The following ZNRF2 variants were observed in gnomAD, a reference collection of about 807,000 sequenced individuals.
The protein encoded by ZNRF2 is zinc and ring finger 2.
A neutral mutation model predicts 20.4 loss-of-function variants in ZNRF2; 16 were observed. The ratio of observed to expected loss-of-function variants is 0.79; its 90% confidence interval spans 0.53 to 1.19. The LOEUF (loss-of-function observed/expected upper bound fraction) is 1.19. Ranked by LOEUF, ZNRF2 falls within the 50% of genes most tolerant of loss-of-function variation. The probability of loss-of-function intolerance (pLI) is 0.00; values close to 1 mark genes in which losing one functional copy is unlikely to be tolerated. For missense variants in ZNRF2, 363 were observed against 332.4 expected, an observed-to-expected ratio of 1.09 and a Z score of -0.72; for synonymous variants, 178 against 144.9, an observed-to-expected ratio of 1.23 and a Z score of -1.64.
intron 1 of ZNRF2, among the ~76,000 whole-genome samples, chr7:30,315,524 G>C (rs553671229): frequency 3.4e-4 from 51 of 152,228 alleles, no homozygotes; most frequent in African/African-American, 1.2e-3. Flanking sequence ...AAGGAGATTA[G>C]AGTGGATGTT....
At chr7:30,304,738 A>G (rs1028893268) in intron 1 of ZNRF2, among the ~76,000 whole-genome samples, 3 of 152,142 alleles carry the variant, frequency 2.0e-5, no homozygotes, top group African/African-American at 7.2e-5. Flanking sequence ...ACTTAGGGTA[A>G]ATCATTGAGA....
chr7:30,309,099 C>T (rs1206850402), intron 1 of ZNRF2, among the ~76,000 whole-genome samples: 1 of 152,024 alleles, frequency 6.6e-6, no homozygotes, highest in Non-Finnish European at 1.5e-5. Flanking sequence ...ATGACATTGT[C>T]TTTATTACTG....
At chr7:30,343,665 AGTTT>A (rs1799832649) in intron 2 of ZNRF2, among the ~76,000 whole-genome samples, 3 of 150,882 alleles carry the variant, frequency 2.0e-5, no homozygotes, top group Admixed American at 2.0e-4. Flanking sequence ...TCTTTCTTTT[AGTTT>A]GTATTTGCCT....
intron 1 of ZNRF2, among the ~76,000 whole-genome samples, chr7:30,305,650 G>A (rs1247286382): frequency 6.6e-6 from 1 of 152,082 alleles, no homozygotes; most frequent in Non-Finnish European, 1.5e-5. Context: ...GTTTTTGTGT[G>A]TATGATTTAA....
chr7:30,320,314 AAGAT>A (rs1450916328), intron 1 of ZNRF2, among the ~76,000 whole-genome samples: 1 of 152,160 alleles, frequency 6.6e-6, no homozygotes, highest in Non-Finnish European at 1.5e-5. Context: ...GGTATATAGA[AAGAT>A]AACTATACAG....
chr7:30,324,664 TCTC>T (rs1388177463), intron 2 of ZNRF2, among the ~76,000 whole-genome samples: 7 of 152,182 alleles, frequency 4.6e-5, no homozygotes, highest in East Asian at 3.8e-4. Context: ...CTCTTCCACT[TCTC>T]CTACTGTACA....
chr7:30,353,946 C>T (rs1050187851), intron 2 of ZNRF2, among the ~76,000 whole-genome samples: 10 of 151,984 alleles, frequency 6.6e-5, no homozygotes, highest in Admixed American at 6.6e-4. Flanking sequence ...AATTATAGAC[C>T]TTTACCAGGT....
At chr7:30,317,407 T>A (rs1799393078) in intron 1 of ZNRF2, among the ~76,000 whole-genome samples, 1 of 152,182 alleles carries the variant, frequency 6.6e-6, no homozygotes, top group African/African-American at 2.4e-5. Context: ...TGCTTTTGAG[T>A]TCTCTAAAAG....
At chr7:30,358,615 TGAA>T (rs1005204761) in intron 3 of ZNRF2, among the ~76,000 whole-genome samples, 3 of 152,214 alleles carry the variant, frequency 2.0e-5, no homozygotes, top group Admixed American at 2.0e-4. Context: ...AAGACACTCA[TGAA>T]GAAGAACACC....
chr7:30,337,825 T>TATGCAAAGAG (rs1272908654), intron 2 of ZNRF2, among the ~76,000 whole-genome samples: 1 of 152,130 alleles, frequency 6.6e-6, no homozygotes, highest in East Asian at 1.9e-4. Context: ...GCATGGTTCC[T>TATGCAAAGAG]ATGCAAAGAG....
At chr7:30,339,360 G>A (rs1396760776) in intron 2 of ZNRF2, among the ~76,000 whole-genome samples, 1 of 152,162 alleles carries the variant, frequency 6.6e-6, no homozygotes, top group Non-Finnish European at 1.5e-5. Context: ...TGTTCTGAAT[G>A]GTATTGCCTA....
chr7:30,321,724 A>C (rs993610393), intron 1 of ZNRF2, among the ~76,000 whole-genome samples: 2 of 152,096 alleles, frequency 1.3e-5, no homozygotes, highest in African/African-American at 4.8e-5. Flanking sequence ...GCTAAGTTTA[A>C]CTTCAGGGAA....
intron 1 of ZNRF2, among the ~76,000 whole-genome samples, chr7:30,306,720 A>G (rs186115015): frequency 1.3e-5 from 2 of 152,176 alleles, no homozygotes; most frequent in Non-Finnish European, 2.9e-5. Context: ...TTTAAGTTGC[A>G]CATTGACTTG....
rs779838395 is a variant in ZNRF2, at chr7:30,355,790, G to T, written c.628G>T (p.Asp210Tyr). ...ATGCCTTGAAGAATTGCAGCAGGGA[G>T]ATACTATAGCACGACTGCCTTGTCT... ...AICLEELQQG[D>Y]TIARLPCLCI... Residue 210 changes from aspartate to tyrosine, a missense_variant, in exon 3 of 5, where the codon GAT becomes TAT. Asp to Tyr is a radical substitution (Grantham distance 160). This residue lies in a region of ZNRF2 where 61 missense variants were observed against 100.9 expected (regional missense o/e 0.60). Coordinates refer to ENST00000323037, the MANE Select transcript of ZNRF2 (RefSeq NM_147128.4). 1 of 1,613,606 alleles carries T rather than the reference G, an allele frequency of 6.2e-7. No individual in the cohort carries two copies. Among genetic ancestry groups the T allele is most frequent in the Non-Finnish European group, 8.5e-7 (1 of 1,179,726 alleles).
chr7:30,320,048 ATATT>A (rs1799443164), intron 1 of ZNRF2, among the ~76,000 whole-genome samples: 3 of 152,124 alleles, frequency 2.0e-5, no homozygotes, highest in Admixed American at 1.3e-4. Flanking sequence ...GTGAGTTTAT[ATATT>A]TATTTAACCA....
chr7:30,316,940 C>T (rs944520790), intron 1 of ZNRF2, among the ~76,000 whole-genome samples: 2 of 152,052 alleles, frequency 1.3e-5, no homozygotes, highest in African/African-American at 4.8e-5. Flanking sequence ...CCTTTTGCTG[C>T]GCTTATGTTT....
At chr7:30,300,929 T>G (rs77414511) in intron 1 of ZNRF2, among the ~76,000 whole-genome samples, 1,581 of 152,354 alleles carry the variant, frequency 0.01, 26 homozygotes, top group African/African-American at 0.035. Flanking sequence ...TCAAACAATT[T>G]AACTGTAATC....
At position 30,366,896 on chromosome 7, in the gene ZNRF2, T is replaced by C. The variant is rs1800226411; in HGVS notation, c.*884T>C. ...GCTAAAATAACTGTTTTAACGGGTA[T>C]CTTTTGTTTGTTCTTTTCACTTAAT... On this transcript the variant is annotated 3_prime_UTR_variant, in exon 5 of 5. Coordinates refer to ENST00000323037, the MANE Select transcript of ZNRF2 (RefSeq NM_147128.4). 6.6e-6 allele frequency: 1 copy of C among 152,574 alleles called. No homozygotes were observed. Among genetic ancestry groups the C allele is most frequent in the South Asian group, 2.1e-4 (1 of 4,832 alleles). The allele number at this position is 152,574 out of a possible 1,614,324, so 9.5% of individuals were successfully genotyped here.
chr7:30,310,721 TA>T (rs1799279011), intron 1 of ZNRF2, among the ~76,000 whole-genome samples: 1 of 152,196 alleles, frequency 6.6e-6, no homozygotes, highest in African/African-American at 2.4e-5. Flanking sequence ...ACGCACCTGA[TA>T]GCCATTTTCT....
Sources: allele counts gnomAD v4.1 joint callset (sites outside exome capture counted in the v4.1 genomes callset), GRCh38; gene constraint gnomAD v4.1.1; regional missense constraint gnomAD v4.1.1; transcripts MANE v1.5; gene names NCBI Gene and HGNC (gene_info 2026-07-23, HGNC 2026-07-21).